LY96: variants seen among roughly 807,000 people sequenced by gnomAD.
LY96 encodes the protein myeloid differentiation protein-2.
A neutral mutation model predicts 18.9 loss-of-function variants in LY96; 18 were observed. That is an observed-to-expected ratio of 0.95 (90% CI 0.66 to 1.41). The LOEUF (loss-of-function observed/expected upper bound fraction) is 1.41. LY96 is among the 40% of genes most tolerant of loss of function. The pLI is 0.00. For synonymous variants in LY96, 66 were observed against 62.6 expected (o/e 1.06, Z -0.26); for missense variants, 175 against 182.4 (o/e 0.96, Z 0.23).
chr8:74,089,653 A>G, the LY96 span, among the ~76,000 whole-genome samples: 2 of 148,206 alleles, frequency 1.3e-5, no homozygotes, highest in Non-Finnish European at 3.0e-5. Context: ...CCCTGCCCTC[A>G]TGGAGTTTGC....
chr8:74,030,053 C>A (rs1425821788), downstream of LY96, among the ~76,000 whole-genome samples: 15 of 152,146 alleles, frequency 9.9e-5, no homozygotes. Context: ...GAAGCTGAGA[C>A]AGAATTAGTG....
intron 1 of LY96, among the ~76,000 whole-genome samples, chr8:73,995,449 C>T (rs1816106891): frequency 6.6e-6 from 1 of 152,146 alleles, no homozygotes; most frequent in Non-Finnish European, 1.5e-5. Flanking sequence ...GGATTAGGGC[C>T]CATCCTAACA....
At chr8:74,030,906 C>T (rs78519436), downstream of LY96, among the ~76,000 whole-genome samples, 633 of 152,312 alleles carry the variant, frequency 4.2e-3, 7 homozygotes, top group African/African-American at 0.014. Context: ...GGAGGACAGG[C>T]TTTCTGGAGA....
intron 2 of LY96, among the ~76,000 whole-genome samples, chr8:74,006,636 T>C (rs1426060): frequency 0.33 from 49,561 of 152,126 alleles, 8,206 homozygotes; most frequent in Admixed American, 0.37. Flanking sequence ...TCTATTTCCT[T>C]CACTTTCCTG....
chr8:74,098,336 T>C, the LY96 span, among the ~76,000 whole-genome samples: 2 of 152,126 alleles, frequency 1.3e-5, no homozygotes, highest in Non-Finnish European at 2.9e-5. Flanking sequence ...GCCAGAATTG[T>C]CCGAATTAAA....
intron 4 of LY96, among the ~76,000 whole-genome samples, chr8:74,027,429 C>A (rs1010766413): frequency 6.6e-6 from 1 of 151,662 alleles, no homozygotes; most frequent in East Asian, 1.9e-4. Context: ...CTCAACCACC[C>A]GAGTAGCTGG....
At chr8:74,078,457 C>G in the LY96 span, among the ~76,000 whole-genome samples, 1 of 152,180 alleles carries the variant, frequency 6.6e-6, no homozygotes, top group African/African-American at 2.4e-5. Context: ...CAATCACCAC[C>G]CCATGTTATT....
chr8:74,011,596 C>T (rs1333705035), intron 3 of LY96, among the ~76,000 whole-genome samples: 1 of 152,162 alleles, frequency 6.6e-6, no homozygotes, highest in East Asian at 1.9e-4. Context: ...CGCAGTGGCT[C>T]ACGCCTGTAA....
chr8:74,028,272 A>G (rs1816910064), intron 4 of LY96, among the ~76,000 whole-genome samples: 1 of 152,192 alleles, frequency 6.6e-6, no homozygotes, highest in South Asian at 2.1e-4. Flanking sequence ...TTCTTTCTGT[A>G]GACTATGGAA....
chr8:74,045,072 CTT>C, the LY96 span, among the ~76,000 whole-genome samples: 1 of 152,234 alleles, frequency 6.6e-6, no homozygotes, highest in African/African-American at 2.4e-5. Flanking sequence ...GTCTGATAAT[CTT>C]TGCTCCCTAA....
chr8:74,073,948 G>A, the LY96 span, among the ~76,000 whole-genome samples: 4 of 151,820 alleles, frequency 2.6e-5, no homozygotes, highest in Admixed American at 6.6e-5. Flanking sequence ...GAGTCACAGC[G>A]CCTGACCTGA....
chr8:74,029,795 G>A (rs1816939589), downstream of LY96, among the ~76,000 whole-genome samples: 1 of 152,164 alleles, frequency 6.6e-6, no homozygotes, highest in African/African-American at 2.4e-5. Flanking sequence ...AAGTAGCTGG[G>A]ATTACAGGCA....
chr8:74,010,580 T>TTAA (rs769799415), intron 3 of LY96, among the ~76,000 whole-genome samples: 9 of 152,192 alleles, frequency 5.9e-5, no homozygotes, highest in Non-Finnish European at 1.0e-4. Context: ...TGGCATGTTA[T>TTAA]TAATATTTAA....
chr8:74,054,499 CTTTTT>C, the LY96 span, among the ~76,000 whole-genome samples: 1 of 148,436 alleles, frequency 6.7e-6, no homozygotes, highest in Non-Finnish European at 1.5e-5. Flanking sequence ...CTTTTCTTTT[CTTTTT>C]TTTTCTTTTC....
intron 1 of LY96, among the ~76,000 whole-genome samples, chr8:73,994,344 G>C (rs143241419): frequency 6.9e-4 from 105 of 152,228 alleles, no homozygotes; most frequent in African/African-American, 2.5e-3. Context: ...ATCCTGCCCA[G>C]CCAAAAATGC....
chr8:74,069,768 A>G, the LY96 span, among the ~76,000 whole-genome samples: 2 of 151,832 alleles, frequency 1.3e-5, no homozygotes, highest in African/African-American at 2.4e-5. Context: ...ATGCTCAGGT[A>G]ATTTTTGTAT....
Position 74,002,799 on chromosome 8 carries a change from C to T in LY96, c.113-1997C>T, listed in dbSNP as rs189437001. ...ATGTTGGCCAGGCTGTTCTAGAACT[C>T]CTGACCTCAGGTGATCTGCCCGCCT... On this transcript the variant is annotated intron_variant, in intron 1 of 4. Transcript: ENST00000284818. Among the ~76,000 whole-genome samples, 1,475 of 152,158 alleles carry T rather than the reference C, an allele frequency of 9.7e-3. 13 individuals are homozygous for T. Among genetic ancestry groups the T allele is most frequent in the African/African-American group, 0.029 (1,187 of 41,518 alleles).
chr8:74,079,146 G>T, the LY96 span, among the ~76,000 whole-genome samples: 1 of 152,154 alleles, frequency 6.6e-6, no homozygotes, highest in African/African-American at 2.4e-5. Context: ...ACAGAAAGGC[G>T]GAGGAAAGGT....
chr8:73,996,372 CCT>C (rs1816135315), intron 1 of LY96, among the ~76,000 whole-genome samples: 1,885 of 110,228 alleles, frequency 0.017, 31 homozygotes, highest in Middle Eastern at 0.037. Flanking sequence ...TTCCTTCATT[CCT>C]TTCTTTCTTT....
Sources: allele counts gnomAD v4.1 joint callset (sites outside exome capture counted in the v4.1 genomes callset), GRCh38; gene constraint gnomAD v4.1.1; transcripts MANE v1.5; gene names NCBI Gene and HGNC (gene_info 2026-07-23, HGNC 2026-07-21).